The following CLN5 variants were observed in gnomAD, a reference collection of about 807,000 sequenced individuals.
The protein encoded by CLN5 is bis(monoacylglycero)phosphate synthase CLN5.
Under a neutral mutation model 36.7 loss-of-function variants are expected in CLN5, and 34 were observed. The ratio of observed to expected loss-of-function variants is 0.93; its 90% confidence interval spans 0.71 to 1.23. The LOEUF (loss-of-function observed/expected upper bound fraction) is 1.23. CLN5 is among the 50% of genes most tolerant of loss of function. The probability of loss-of-function intolerance (pLI) is 0.00; values close to 1 mark genes in which losing one functional copy is unlikely to be tolerated. For synonymous variants in CLN5, 151 were observed against 155.1 expected (o/e 0.97, Z 0.20); for missense variants, 427 against 439.4 (o/e 0.97, Z 0.25).
intron 2 of CLN5, chr13:76,995,520 C>G: frequency 2.0e-6 from 1 of 501,296 alleles, no homozygotes; most frequent in Non-Finnish European, 3.6e-6. Context: ...GCAGGTAACA[C>G]CTCTTGATTT....
At chr13:76,996,200 T>C in intron 3 of CLN5, 73 bp downstream of exon 3, 1 of 1,218,860 alleles carries the variant, frequency 8.2e-7, no homozygotes, top group Non-Finnish European at 1.2e-6. Context: ...TATACTTCCA[T>C]TGAAACATTT....
intron 3 of CLN5, chr13:76,997,552 C>A (rs1180056914): frequency 6.6e-6 from 1 of 152,100 alleles, no homozygotes; most frequent in African/African-American, 2.4e-5. Flanking sequence ...AGATTTTCTC[C>A]CACTCTGTGG....
rs1311861665 is a variant in CLN5, at chr13:77,004,084, A to G, written c.*3115A>G. 1 of 150,618 alleles carries G rather than the reference A, an allele frequency of 6.6e-6. No individual in the cohort carries two copies. Among genetic ancestry groups the G allele is most frequent in the Admixed American group, 6.7e-5 (1 of 14,984 alleles). The allele number at this position is 150,618 out of a possible 1,614,324, so 9.3% of individuals were successfully genotyped here. ...AAAGTGTCATCTAATATATTGTTGC[A>G]TGTAGAGGAAAACACAGTGAAGAAA... is the stretch of plus-strand genomic sequence containing the variant. On this transcript the variant is annotated 3_prime_UTR_variant, in exon 4 of 4. Coordinates refer to ENST00000377453, the MANE Select transcript of CLN5 (RefSeq NM_006493.4).
rs1485283917 is a variant in CLN5, at chr13:76,995,945, G to A, written c.383G>A (p.Gly128Asp). The change falls in exon 3 of 4, where the codon GGC becomes GAC. Residue 128 changes from glycine to aspartate, a missense_variant. Transcript: ENST00000377453. Reference protein sequence around the residue: ...DAIGFRSTLTGKNYTMEWYEL... With the variant: ...DAIGFRSTLTDKNYTMEWYEL... Reference sequence around the variant, plus strand: ...ATTGGATTCAGAAGTACATTAACTGGCAAGAACTACACAATGGAATGGTAT... The same window carrying A: ...ATTGGATTCAGAAGTACATTAACTGACAAGAACTACACAATGGAATGGTAT... 2 of 1,614,170 alleles carry A rather than the reference G, an allele frequency of 1.2e-6. No homozygotes were observed. The highest frequency in any genetic ancestry group is 1.7e-6 in the Non-Finnish European group (2 of 1,180,038).
Position 77,000,454 on chromosome 13 carries a change from CT to C in CLN5, c.566-3del. 6.2e-7 allele frequency: 1 copy of C among 1,600,710 alleles called. No individual in the cohort carries two copies. The highest frequency in any genetic ancestry group is 8.5e-7 in the Non-Finnish European group (1 of 1,173,944). ...GGTGACTTTGTTTTGTTTTTTTAAACTAGGAAACATGTTCAACCAAATGGCA... is the reference window on the plus strand; with the variant it reads ...GGTGACTTTGTTTTGTTTTTTTAAACAGGAAACATGTTCAACCAAATGGCA... On this transcript the variant is annotated splice_polypyrimidine_tract_variant and splice_region_variant and intron_variant, in intron 3 of 3. Transcript: ENST00000377453.
At chr13:76,995,700 G>C (rs992453669) in intron 2 of CLN5, 1 of 630,772 alleles carries the variant, frequency 1.6e-6, no homozygotes, top group Non-Finnish European at 2.9e-6. Context: ...AGCCAAATAG[G>C]GGTGTAGTGG....
In CLN5 at chr13:77,004,110, CCTA is replaced by C. The variant is rs1215705633; in HGVS notation, c.*3145_*3147del. The C allele has an allele frequency of 3.0e-5, 4 of 134,356 alleles. No homozygotes were observed. The highest frequency in any genetic ancestry group is 1.4e-4 in the Admixed American group (2 of 14,334). The allele number at this position is 134,356 out of a possible 1,614,324, so 8.3% of individuals were successfully genotyped here. A position where few individuals can be genotyped will look rare whatever the true frequency, so the allele number is the denominator to read the frequency against. On this transcript the variant is annotated 3_prime_UTR_variant, in exon 4 of 4. Coordinates refer to ENST00000377453, the MANE Select transcript of CLN5 (RefSeq NM_006493.4). ...TGTAGAGGAAAACACAGTGAAGAAA[CCTA>C]CTAACTTTATTTGGAACCCTCAATA...
Position 77,004,621 on chromosome 13 carries a change from T to G in CLN5, c.*3652T>G, listed in dbSNP as rs2034419706. ...AGCCCCACAAACTGGGGTTGGAGTC[T>G]GTGCAAAGCTCATTACTATCTATGT... On this transcript the variant is annotated 3_prime_UTR_variant, in exon 4 of 4. Transcript: ENST00000377453. 1 of 152,196 alleles carries G rather than the reference T, an allele frequency of 6.6e-6. No individual in the cohort carries two copies. The highest frequency in any genetic ancestry group is 2.1e-4 in the South Asian group (1 of 4,836). 9.4% of individuals were successfully genotyped at this position (152,196 alleles called of 1,614,324 possible).
At chr13:76,992,949 T>C (rs1452694856) in intron 1 of CLN5, 2 of 152,206 alleles carry the variant, frequency 1.3e-5, no homozygotes, top group African/African-American at 4.8e-5. Flanking sequence ...CGGTCAGAGA[T>C]AGCTAAACAC....
chr13:76,995,436 ATAT>A, intron 2 of CLN5: 2 of 588,452 alleles, frequency 3.4e-6, no homozygotes, highest in South Asian at 2.0e-5. Flanking sequence ...ATCCATTGTA[ATAT>A]TATGAATCTG....
intron 1 of CLN5, chr13:76,993,462 A>G (rs191427260): frequency 1.8e-4 from 28 of 152,364 alleles, no homozygotes; most frequent in Middle Eastern, 3.4e-3. Flanking sequence ...TAAGAAGTCA[A>G]AATTACTCAA....
At position 76,992,141 on chromosome 13, in the gene CLN5, C is replaced by T. The variant is rs772949539; in HGVS notation, c.43C>T (p.Arg15Trp). 16 of 1,608,194 alleles carry T rather than the reference C, an allele frequency of 9.9e-6. No homozygotes were observed. The highest frequency in any genetic ancestry group is 1.3e-5 in the Non-Finnish European group (15 of 1,178,014). The change falls in exon 1 of 4, where the codon CGG becomes TGG. Residue 15 changes from arginine (R) to tryptophan (W), a missense_variant. Arg to Trp is a moderately radical substitution (Grantham distance 101). Transcript: ENST00000377453. The part of the protein sequence containing the change: ...VDTAQGAEMR[R>W]GAGAARGRAS... ...CACGGCACAGGGCGCCGAGATGCGGCGGGGCGCGGGCGCGGCTCGGGGACG... is the reference window on the plus strand; with the variant it reads ...CACGGCACAGGGCGCCGAGATGCGGTGGGGCGCGGGCGCGGCTCGGGGACG...
chr13:76,997,847 G>T (rs1262394223), intron 3 of CLN5: 1 of 152,084 alleles, frequency 6.6e-6, no homozygotes, highest in Non-Finnish European at 1.5e-5. Context: ...AATAGTAAGA[G>T]AAATCCATAA....
At chr13:76,997,476 T>C (rs922008892) in intron 3 of CLN5, 5 of 152,220 alleles carry the variant, frequency 3.3e-5, no homozygotes, top group African/African-American at 1.2e-4. Flanking sequence ...GATTGTTTTT[T>C]TCTTGCTGAT....
chr13:76,999,862 G>A (rs2034328599), intron 3 of CLN5: 1 of 152,136 alleles, frequency 6.6e-6, no homozygotes, highest in Admixed American at 6.5e-5. Context: ...TAGCTTAAAT[G>A]ATTATAGAAT....
intron 3 of CLN5, chr13:76,996,390 G>A (rs553409129): frequency 1.9e-4 from 83 of 442,010 alleles, no homozygotes; most frequent in African/African-American, 8.6e-4. Context: ...AGATTTTTGC[G>A]CACCCATCAC....
At chr13:76,994,078 C>T (rs1449578567) in intron 1 of CLN5, 1 of 152,202 alleles carries the variant, frequency 6.6e-6, no homozygotes, top group African/African-American at 2.4e-5. Flanking sequence ...TCTCCATACC[C>T]TCTTTTAATT....
rs1014000261 is a variant in CLN5, at chr13:76,996,011, G to T, written c.449G>T (p.Arg150Leu). The change falls in exon 3 of 4, where the codon CGA (arginine) becomes CTA (leucine). Residue 150 changes from arginine to leucine, a missense_variant. By Grantham distance (102) the Arg-to-Leu change is moderately radical. Coordinates refer to ENST00000377453, the MANE Select transcript of CLN5 (RefSeq NM_006493.4). ...QLGNCTFPHL[R>L]PEMDAPFWCN... Reference sequence around the variant, plus strand: ...GGCAACTGTACATTTCCCCATCTCCGACCTGAAATGGATGCCCCTTTCTGG... The same window carrying T: ...GGCAACTGTACATTTCCCCATCTCCTACCTGAAATGGATGCCCCTTTCTGG... The T allele has an allele frequency of 6.2e-7, 1 of 1,614,056 alleles. No homozygotes were observed. Among genetic ancestry groups the T allele is most frequent in the African/African-American group, 1.3e-5 (1 of 74,918 alleles).
chr13:76,995,169 G>A lies in CLN5; in HGVS notation c.280G>A (p.Val94Ile). The A allele has an allele frequency of 6.2e-7, 1 of 1,614,140 alleles. No homozygotes were observed. The highest frequency in any genetic ancestry group is 1.6e-4 in the Middle Eastern group (1 of 6,062). ...PVMEGDDDIE[V>I]FRLQAPVWEF... ...TATGGAGGGTGATGATGACATTGAAGTTTTTCGATTACAAGCCCCAGTATG... is the reference window on the plus strand; with the variant it reads ...TATGGAGGGTGATGATGACATTGAAATTTTTCGATTACAAGCCCCAGTATG... Residue 94 changes from valine to isoleucine, a missense_variant, in exon 2 of 4, where the codon GTT (valine) becomes ATT (isoleucine). Val to Ile is a conservative substitution (Grantham distance 29, BLOSUM62 3). Coordinates refer to ENST00000377453, the MANE Select transcript of CLN5 (RefSeq NM_006493.4).
Sources: allele counts gnomAD v4.1 joint callset, GRCh38; gene constraint gnomAD v4.1.1; transcripts MANE v1.5; gene names NCBI Gene and HGNC (gene_info 2026-07-23, HGNC 2026-07-21).